XKR6: variants seen among roughly 807,000 people sequenced by gnomAD.
XKR6 encodes XK related 6, also known as XK-related protein 6.
In XKR6, 22 loss-of-function variants were observed where a neutral mutation model predicts 56.7. That is an observed-to-expected ratio of 0.39 (90% CI 0.28 to 0.55). The LOEUF (loss-of-function observed/expected upper bound fraction) is 0.55, where lower values mean the gene tolerates loss of function less well. XKR6 is among the 20% of genes least tolerant of loss of function. The probability of loss-of-function intolerance (pLI) is 0.66; values close to 1 mark genes in which losing one functional copy is unlikely to be tolerated. For synonymous variants in XKR6, 524 were observed against 387.8 expected, an observed-to-expected ratio of 1.35 and a Z score of -4.13; for missense variants, 852 against 889.0, an observed-to-expected ratio of 0.96 and a Z score of 0.53.
At chr8:10,911,647 T>C (rs982774636) in intron 2 of XKR6, among the ~76,000 whole-genome samples, 2 of 145,594 alleles carry the variant, frequency 1.4e-5, no homozygotes, top group African/African-American at 5.1e-5. Flanking sequence ...TATATATATA[T>C]AGAATATATA....
At chr8:11,018,102 C>T (rs1263592412) in intron 1 of XKR6, among the ~76,000 whole-genome samples, 1 of 152,158 alleles carries the variant, frequency 6.6e-6, no homozygotes, top group Non-Finnish European at 1.5e-5. Flanking sequence ...AGGAGCAGCT[C>T]TGGATGTCAA....
Position 11,201,415 on chromosome 8 carries a change from AG to A in XKR6, c.-77del, listed in dbSNP as rs1182430293. 1.3e-4 allele frequency: 19 copies of A among 141,058 alleles called. No individual in the cohort carries two copies. The highest frequency in any genetic ancestry group is 1.2e-3 in the African/African-American group (17 of 14,276). 8.7% of individuals were successfully genotyped at this position (141,058 alleles called of 1,614,324 possible). ...GGGGGGAAGAAGGCAGGGAACGGGGAGGGGGGGAAACGAATGGAGAGGAAGG... is the reference window on the plus strand; with the variant it reads ...GGGGGGAAGAAGGCAGGGAACGGGGAGGGGGGAAACGAATGGAGAGGAAGG... On this transcript the variant is annotated 5_prime_UTR_variant, in exon 1 of 3. Coordinates refer to ENST00000416569, the MANE Select transcript of XKR6 (RefSeq NM_173683.4).
intron 1 of XKR6, among the ~76,000 whole-genome samples, chr8:11,131,013 G>C (rs938280184): frequency 6.6e-6 from 1 of 152,058 alleles, no homozygotes; most frequent in Non-Finnish European, 1.5e-5. Context: ...TTCATAAATC[G>C]CTAGTTATGT....
chr8:10,901,393 C>T (rs1039967204), intron 2 of XKR6, among the ~76,000 whole-genome samples: 2 of 152,102 alleles, frequency 1.3e-5, no homozygotes, highest in Non-Finnish European at 2.9e-5. Context: ...AGGCTGATCT[C>T]GAACTCTTGG....
At chr8:11,131,555 G>C (rs1285484089) in intron 1 of XKR6, among the ~76,000 whole-genome samples, 1 of 152,066 alleles carries the variant, frequency 6.6e-6, no homozygotes, top group African/African-American at 2.4e-5. Flanking sequence ...GTGAACAAAG[G>C]TACACAATAA....
At chr8:10,938,473 A>C (rs550566729) in intron 1 of XKR6, among the ~76,000 whole-genome samples, 1 of 152,224 alleles carries the variant, frequency 6.6e-6, no homozygotes, top group Admixed American at 6.5e-5. Flanking sequence ...GCAGGTGAAT[A>C]TATAAACAAT....
At chr8:11,196,244 C>G (rs1405479200) in intron 1 of XKR6, among the ~76,000 whole-genome samples, 3 of 152,156 alleles carry the variant, frequency 2.0e-5, no homozygotes, top group Non-Finnish European at 2.9e-5. Context: ...TTCCTCAAGC[C>G]TATTTAATAG....
intron 2 of XKR6, among the ~76,000 whole-genome samples, chr8:10,901,923 A>C (rs1800045605): frequency 6.6e-6 from 1 of 152,184 alleles, no homozygotes; most frequent in African/African-American, 2.4e-5. Flanking sequence ...AATAAATGGG[A>C]ATTCAAATGC....
intron 1 of XKR6, among the ~76,000 whole-genome samples, chr8:10,960,070 T>C (rs990533555): frequency 1.3e-5 from 2 of 152,232 alleles, no homozygotes; most frequent in African/African-American, 4.8e-5. Flanking sequence ...ATCCTGGCCC[T>C]GTCCATGACT....
At chr8:11,032,634 T>C (rs1799019187) in intron 1 of XKR6, among the ~76,000 whole-genome samples, 4 of 152,132 alleles carry the variant, frequency 2.6e-5, no homozygotes, top group African/African-American at 9.7e-5. Context: ...GGCAAGACTG[T>C]TTGCCCTCCC....
rs182004379 is a variant in XKR6 at position 11,168,504 on chromosome 8, T to C, written c.764+32072A>G. On this transcript the variant is annotated intron_variant, in intron 1 of 2. Coordinates refer to ENST00000416569, the MANE Select transcript of XKR6 (RefSeq NM_173683.4). ...ATAGAAGAACTTGACAAAAGATAAA[T>C]AGGGAAACAGAGAATTTGTACAACA... Among the ~76,000 whole-genome samples, 265 of 151,954 alleles carry C rather than the reference T, an allele frequency of 1.7e-3. 1 individual carries two copies. The highest frequency in any genetic ancestry group is 5.0e-3 in the African/African-American group (209 of 41,430).
intron 1 of XKR6, among the ~76,000 whole-genome samples, chr8:10,936,181 T>C (rs926169993): frequency 6.0e-5 from 9 of 150,038 alleles, no homozygotes; most frequent in African/African-American, 2.2e-4. Flanking sequence ...TTTTGATCTT[T>C]GTTGGTTTAA....
At chr8:10,929,979 G>A (rs1801008954) in intron 1 of XKR6, among the ~76,000 whole-genome samples, 1 of 152,214 alleles carries the variant, frequency 6.6e-6, no homozygotes, top group African/African-American at 2.4e-5. Flanking sequence ...TTCTGAGGGA[G>A]ACACGGTTGT....
intron 1 of XKR6, among the ~76,000 whole-genome samples, chr8:10,985,118 T>C (rs1017029057): frequency 2.6e-5 from 4 of 152,040 alleles, no homozygotes; most frequent in African/African-American, 9.7e-5. Flanking sequence ...TTTCTTTTTC[T>C]ATTTTTTGTG....
At chr8:10,912,306 G>A (rs1380700731) in intron 2 of XKR6, among the ~76,000 whole-genome samples, 2 of 55,248 alleles carry the variant, frequency 3.6e-5, no homozygotes, top group Non-Finnish European at 6.6e-5. Context: ...AAGAGAGGGT[G>A]TATATATATA....
intron 1 of XKR6, among the ~76,000 whole-genome samples, chr8:10,959,860 A>G (rs750167820): frequency 2.6e-5 from 4 of 152,300 alleles, no homozygotes; most frequent in Non-Finnish European, 5.9e-5. Context: ...GGAGTCTGAG[A>G]ATGGGTGGGA....
At chr8:10,964,265 C>G (rs527851009) in intron 1 of XKR6, among the ~76,000 whole-genome samples, 167 of 152,220 alleles carry the variant, frequency 1.1e-3, no homozygotes, top group Non-Finnish European at 2.0e-3. Context: ...AACCCAATAC[C>G]CCCACGCTTC....
intron 2 of XKR6, among the ~76,000 whole-genome samples, chr8:10,910,396 C>T (rs1563282754): frequency 6.6e-6 from 1 of 152,148 alleles, no homozygotes. Context: ...GGTACAGATG[C>T]AGGGACCTTC....
intron 1 of XKR6, among the ~76,000 whole-genome samples, chr8:11,044,151 T>C (rs778872886): frequency 9.2e-5 from 14 of 152,186 alleles, no homozygotes; most frequent in African/African-American, 1.4e-4. Flanking sequence ...CGTGGACTGG[T>C]TCTGGCTGGT....
Sources: allele counts gnomAD v4.1 joint callset (sites outside exome capture counted in the v4.1 genomes callset), GRCh38; gene constraint gnomAD v4.1.1; transcripts MANE v1.5; gene names NCBI Gene and HGNC (gene_info 2026-07-23, HGNC 2026-07-21).